Variants in CSMD1 observed in about 807,000 individuals in gnomAD.
The protein encoded by CSMD1 is CUB and sushi domain-containing protein 1.
Under a neutral mutation model 417.5 loss-of-function variants are expected in CSMD1, and 213 were observed. The ratio of observed to expected loss-of-function variants is 0.51; its 90% CI spans 0.46 to 0.57. The LOEUF is 0.57. Among genes scored for constraint, CSMD1 ranks in the 20% least tolerant of loss-of-function variants. The pLI, the probability that CSMD1 is intolerant of heterozygous loss-of-function variation, is 0.00. For missense variants in CSMD1, 6,923 were observed against 4,529.7 expected (o/e 1.53, Z -15.17); for synonymous variants, 2,862 against 1,736.8 (o/e 1.65, Z -16.11).
intron 2 of CSMD1, among the ~76,000 whole-genome samples, chr8:4,551,539 C>G (rs1025677318): frequency 1.3e-5 from 2 of 152,302 alleles, no homozygotes; most frequent in African/African-American, 4.8e-5. Flanking sequence ...TCCCTATGGT[C>G]TTCCCTGGCT....
chr8:4,797,269 G>A (rs957036897), intron 1 of CSMD1, among the ~76,000 whole-genome samples: 2 of 152,138 alleles, frequency 1.3e-5, no homozygotes, highest in African/African-American at 4.8e-5. Flanking sequence ...AGTTTTAACT[G>A]TTTTGAAAAC....
chr8:3,350,627 T>C (rs1027799943), intron 21 of CSMD1, among the ~76,000 whole-genome samples: 29 of 152,146 alleles, frequency 1.9e-4, no homozygotes, highest in African/African-American at 6.5e-4. Context: ...GAAAAAAGTG[T>C]CTTCTTAAGG....
chr8:3,740,252 C>A (rs1796727353), intron 6 of CSMD1, among the ~76,000 whole-genome samples: 1 of 152,150 alleles, frequency 6.6e-6, no homozygotes, highest in Non-Finnish European at 1.5e-5. Flanking sequence ...ACTGCAGGCA[C>A]CTGCCAACAT....
intron 1 of CSMD1, among the ~76,000 whole-genome samples, chr8:4,736,898 G>T (rs113074492): frequency 6.6e-6 from 1 of 152,110 alleles, no homozygotes; most frequent in Non-Finnish European, 1.5e-5. Flanking sequence ...AATGTTATCA[G>T]CTGTCATCAT....
At chr8:4,917,343 T>G (rs1585323342) in intron 1 of CSMD1, among the ~76,000 whole-genome samples, 3 of 152,264 alleles carry the variant, frequency 2.0e-5, no homozygotes. Flanking sequence ...CAATTCAACA[T>G]GAGATTTGGG....
rs373359488 is a variant in CSMD1, at chr8:4,031,950, G to C, written c.565C>G (p.Pro189Ala). 352 of 1,613,784 alleles carry C rather than the reference G, an allele frequency of 2.2e-4. No homozygotes were observed. The highest frequency in any genetic ancestry group is 2.9e-4 in the Non-Finnish European group (344 of 1,179,884). ...GHAILTCIVS[P>A]GNGASWDFPA... is the part of the protein sequence containing the mutation. ...AAGTCCCACGATGCACCATTTCCTGGGCTGACGATGCAGGTCAGGATGGCG... is the reference window on the plus strand; with the variant it reads ...AAGTCCCACGATGCACCATTTCCTGCGCTGACGATGCAGGTCAGGATGGCG... The change falls in exon 4 of 70, where the codon CCA (proline) becomes GCA (alanine). Residue 189 changes from proline to alanine, a missense_variant. By Grantham distance (27) the Pro-to-Ala change is conservative. Transcript: ENST00000635120.
At chr8:4,897,686 T>C (rs1804593192) in intron 1 of CSMD1, among the ~76,000 whole-genome samples, 1 of 152,166 alleles carries the variant, frequency 6.6e-6, no homozygotes, top group Non-Finnish European at 1.5e-5. Context: ...CACAACTTTT[T>C]TTTACATATT....
intron 2 of CSMD1, among the ~76,000 whole-genome samples, chr8:4,456,928 C>A (rs757474759): frequency 1.3e-5 from 2 of 150,348 alleles, no homozygotes; most frequent in Admixed American, 6.6e-5. Context: ...AACTGTTTAT[C>A]CTGAGCATGG....
intron 5 of CSMD1, among the ~76,000 whole-genome samples, chr8:3,852,830 T>G (rs73491926): frequency 0.021 from 3,197 of 152,224 alleles, 107 homozygotes; most frequent in African/African-American, 0.073. Flanking sequence ...CCGCTTTCTG[T>G]AACCCACCAG....
At chr8:3,587,200 A>G (rs532280644) in intron 8 of CSMD1, among the ~76,000 whole-genome samples, 1 of 152,382 alleles carries the variant, frequency 6.6e-6, no homozygotes, top group East Asian at 1.9e-4. Context: ...GGTTGTAAAC[A>G]TTAACAAGAC....
intron 3 of CSMD1, among the ~76,000 whole-genome samples, chr8:4,121,043 C>G (rs1376789661): frequency 6.6e-6 from 1 of 152,056 alleles, no homozygotes; most frequent in Non-Finnish European, 1.5e-5. Flanking sequence ...AGTCCAGGAA[C>G]AAAGGAGTTT....
At chr8:3,636,607 C>A (rs13271482) in intron 7 of CSMD1, among the ~76,000 whole-genome samples, 86,818 of 151,960 alleles carry the variant, frequency 0.57, 24,898 homozygotes, top group Middle Eastern at 0.72. Context: ...AACATCTTTT[C>A]AGGAAATGTT....
At chr8:3,867,036 C>A (rs1327391203) in intron 5 of CSMD1, among the ~76,000 whole-genome samples, 2 of 152,072 alleles carry the variant, frequency 1.3e-5, no homozygotes, top group Admixed American at 6.5e-5. Context: ...AATTAATGCA[C>A]TTGTAGAATT....
At chr8:3,817,832 C>T (rs917363475) in intron 5 of CSMD1, among the ~76,000 whole-genome samples, 1 of 152,040 alleles carries the variant, frequency 6.6e-6, no homozygotes, top group Non-Finnish European at 1.5e-5. Context: ...CACACCAAGT[C>T]CAGCTTTCCC....
intron 3 of CSMD1, among the ~76,000 whole-genome samples, chr8:4,206,342 C>G (rs549435482): frequency 1.3e-5 from 2 of 152,062 alleles, no homozygotes; most frequent in South Asian, 4.2e-4. Flanking sequence ...TATCCCTTTC[C>G]CCTCCCCCCA....
chr8:4,204,656 A>G (rs997224832), intron 3 of CSMD1, among the ~76,000 whole-genome samples: 1 of 152,068 alleles, frequency 6.6e-6, no homozygotes, highest in African/African-American at 2.4e-5. Context: ...TATAAAAATT[A>G]TTATTAGTAG....
intron 23 of CSMD1, among the ~76,000 whole-genome samples, chr8:3,313,869 C>A (rs936086357): frequency 6.6e-6 from 1 of 152,142 alleles, no homozygotes; most frequent in Non-Finnish European, 1.5e-5. Context: ...TGGAACCAAC[C>A]CAAATGTCCA....
At chr8:4,810,551 G>A (rs564791271) in intron 1 of CSMD1, among the ~76,000 whole-genome samples, 6 of 152,182 alleles carry the variant, frequency 3.9e-5, no homozygotes, top group South Asian at 2.1e-4. Flanking sequence ...GCGCACGCGC[G>A]TATGTGTGTG....
At chr8:3,826,118 G>C (rs931876928) in intron 5 of CSMD1, among the ~76,000 whole-genome samples, 1 of 152,026 alleles carries the variant, frequency 6.6e-6, no homozygotes, top group South Asian at 2.1e-4. Context: ...TAAACCGGCC[G>C]TCAGCAGGGA....
Sources: gnomAD v4.1 joint callset for allele counts (sites outside exome capture counted in the v4.1 genomes callset) on GRCh38, gnomAD v4.1.1 for gene constraint, MANE v1.5 for transcripts, NCBI Gene and HGNC (gene_info 2026-07-23, HGNC 2026-07-21) for gene names.